The following DNER variants were observed in gnomAD, a reference collection of about 807,000 sequenced individuals.
DNER encodes the protein delta and Notch-like epidermal growth factor-related receptor.
Under a neutral mutation model 78.2 loss-of-function variants are expected in DNER, and 33 were observed. The observed-to-expected ratio is 0.42, with a 90% confidence interval of 0.32 to 0.56. The LOEUF is 0.56. Ranked by LOEUF, DNER falls within the 20% of genes least tolerant of loss-of-function variation. The probability of loss-of-function intolerance (pLI) is 0.11; values close to 1 mark genes in which losing one functional copy is unlikely to be tolerated. For synonymous variants in DNER, 417 were observed against 384.8 expected, an observed-to-expected ratio of 1.08 and a Z score of -0.98; for missense variants, 918 against 975.3, an observed-to-expected ratio of 0.94 and a Z score of 0.78.
chr2:229,550,271 G>T (rs1364251461), intron 4 of DNER, among the ~76,000 whole-genome samples: 1 of 152,018 alleles, frequency 6.6e-6, no homozygotes, highest in Non-Finnish European at 1.5e-5. Context: ...GGGATTACAG[G>T]CAGGAGCCAC....
chr2:229,709,447 T>A (rs1173446428), intron 1 of DNER, among the ~76,000 whole-genome samples: 1 of 152,134 alleles, frequency 6.6e-6, no homozygotes, highest in African/African-American at 2.4e-5. Flanking sequence ...ATTCAACATT[T>A]TGTACATACT....
chr2:229,525,770 G>A (rs534199595), intron 5 of DNER, among the ~76,000 whole-genome samples: 8 of 152,020 alleles, frequency 5.3e-5, no homozygotes, highest in Non-Finnish European at 1.2e-4. Flanking sequence ...GTGCCACCAC[G>A]CCTGGCTAAT....
chr2:229,702,664 TC>T, intron 1 of DNER, among the ~76,000 whole-genome samples: 1 of 152,126 alleles, frequency 6.6e-6, no homozygotes, highest in African/African-American at 2.4e-5. Flanking sequence ...ACGCCTGTAA[TC>T]CCAGCACTTT....
At chr2:229,607,655 A>T (rs1308046181) in intron 1 of DNER, among the ~76,000 whole-genome samples, 1 of 152,170 alleles carries the variant, frequency 6.6e-6, no homozygotes, top group African/African-American at 2.4e-5. Context: ...TACATTGAAC[A>T]ATGTTTCAGA....
At chr2:229,477,909 C>T (rs758465235) in intron 6 of DNER, among the ~76,000 whole-genome samples, 14 of 152,166 alleles carry the variant, frequency 9.2e-5, no homozygotes, top group African/African-American at 2.7e-4. Flanking sequence ...AACATAACTA[C>T]GCACATGTGG....
At chr2:229,440,166 T>C (rs114692617) in intron 8 of DNER, among the ~76,000 whole-genome samples, 2,189 of 152,344 alleles carry the variant, frequency 0.014, 20 homozygotes, top group Non-Finnish European at 0.02. Flanking sequence ...TTAACAGCAG[T>C]GTCCTTCCTC....
At chr2:229,376,279 G>A (rs757360832) in intron 11 of DNER, among the ~76,000 whole-genome samples, 1 of 152,094 alleles carries the variant, frequency 6.6e-6, no homozygotes, top group Non-Finnish European at 1.5e-5. Context: ...CTAGGTTAAT[G>A]TCCTTATAAA....
At chr2:229,463,004 A>T (rs146689650) in intron 7 of DNER, among the ~76,000 whole-genome samples, 5 of 152,224 alleles carry the variant, frequency 3.3e-5, no homozygotes, top group Admixed American at 2.6e-4. Context: ...CATCCTAGGT[A>T]CATATCCCTT....
At chr2:229,474,705 T>C (rs1018900330) in intron 7 of DNER, among the ~76,000 whole-genome samples, 1 of 152,198 alleles carries the variant, frequency 6.6e-6, no homozygotes, top group African/African-American at 2.4e-5. Flanking sequence ...GGTTCCAACA[T>C]AGAACACTTC....
At chr2:229,510,376 C>A (rs1386692682) in intron 6 of DNER, among the ~76,000 whole-genome samples, 2 of 152,188 alleles carry the variant, frequency 1.3e-5, no homozygotes, top group Admixed American at 1.3e-4. Context: ...AGGCCGATGC[C>A]CACTTTGACA....
chr2:229,598,846 G>A (rs1041645075), intron 1 of DNER, among the ~76,000 whole-genome samples: 1 of 152,194 alleles, frequency 6.6e-6, no homozygotes, highest in Non-Finnish European at 1.5e-5. Context: ...CACCCCTCAC[G>A]CATTAAGGGA....
In DNER at chr2:229,436,709, C is replaced by A. The variant is rs550794834; in HGVS notation, c.1486+10607G>T. Among the ~76,000 whole-genome samples the A allele has an allele frequency of 2.6e-5, 4 of 152,124 alleles. No individual in the cohort carries two copies. The East Asian group carries it at 7.7e-4, about 29-fold the overall frequency. On this transcript the variant is annotated intron_variant, in intron 8 of 12. Transcript: ENST00000341772. ...GTCCAGCCAATCTAAGCTTCATAAG[C>A]AAAGGAGAAATAAGATGCTTTTTGA...
chr2:229,454,432 A>C (rs1694527279), intron 7 of DNER, among the ~76,000 whole-genome samples: 1 of 152,252 alleles, frequency 6.6e-6, no homozygotes, highest in Non-Finnish European at 1.5e-5. Flanking sequence ...TTGAATATCA[A>C]AAAGTCCCAC....
At chr2:229,654,192 C>T (rs910439016) in intron 1 of DNER, among the ~76,000 whole-genome samples, 1 of 151,912 alleles carries the variant, frequency 6.6e-6, no homozygotes, top group African/African-American at 2.4e-5. Flanking sequence ...TCAGTTCCCA[C>T]CTATGAGTGA....
intron 1 of DNER, among the ~76,000 whole-genome samples, chr2:229,598,130 T>A (rs753125564): frequency 6.6e-6 from 1 of 152,220 alleles, no homozygotes; most frequent in African/African-American, 2.4e-5. Context: ...TCATTAGATA[T>A]AGTAAGTCAA....
Position 229,512,765 on chromosome 2 carries a change from C to A in DNER, c.1147+18G>T, listed in dbSNP as rs765281747. Reference sequence around the variant, plus strand: ...ACAGACATACACCTAATAACTGAACCATGAGTATGTGTCGTACCAGGAAGG... The same window carrying A: ...ACAGACATACACCTAATAACTGAACAATGAGTATGTGTCGTACCAGGAAGG... On this transcript the variant is annotated intron_variant, in intron 6 of 12. Transcript: ENST00000341772. 1.9e-6 allele frequency: 3 copies of A among 1,613,816 alleles called. No individual in the cohort carries two copies. Among genetic ancestry groups the A allele is most frequent in the South Asian group, 2.2e-5 (2 of 91,014 alleles).
At chr2:229,409,596 C>T (rs1036069455) in intron 9 of DNER, among the ~76,000 whole-genome samples, 8 of 152,184 alleles carry the variant, frequency 5.3e-5, no homozygotes, top group Non-Finnish European at 1.0e-4. Context: ...TAAGCAATTT[C>T]AATCTTTTGG....
chr2:229,556,358 C>A (rs945990235), intron 4 of DNER, among the ~76,000 whole-genome samples: 1 of 152,152 alleles, frequency 6.6e-6, no homozygotes, highest in Admixed American at 6.6e-5. Flanking sequence ...TTTTTCAAAG[C>A]CTGTATATCC....
At chr2:229,516,641 G>T (rs1695977333) in intron 5 of DNER, among the ~76,000 whole-genome samples, 1 of 151,990 alleles carries the variant, frequency 6.6e-6, no homozygotes, top group Non-Finnish European at 1.5e-5. Flanking sequence ...AACTTTCTCA[G>T]TCAGTCAGCT....
Sources: allele counts gnomAD v4.1 joint callset (sites outside exome capture counted in the v4.1 genomes callset), GRCh38; gene constraint gnomAD v4.1.1; transcripts MANE v1.5; gene names NCBI Gene and HGNC (gene_info 2026-07-23, HGNC 2026-07-21).